HERC3: variants seen among roughly 807,000 people sequenced by gnomAD.
HERC3 encodes the protein probable E3 ubiquitin-protein ligase HERC3.
HERC3 carries 58 observed loss-of-function variants against 129.9 expected under a neutral mutation model. The observed-to-expected ratio is 0.45, with a 90% CI of 0.36 to 0.56. HERC3 has a LOEUF of 0.56. Among genes scored for constraint, HERC3 ranks in the 20% least tolerant of loss-of-function variants. The pLI is 0.00. For missense variants in HERC3, 835 were observed against 1,244.2 expected, an observed-to-expected ratio of 0.67 and a Z score of 4.95; for synonymous variants, 430 against 451.0, an observed-to-expected ratio of 0.95 and a Z score of 0.59.
intron 16 of HERC3, among the ~76,000 whole-genome samples, chr4:88,673,091 C>T (rs953566213): frequency 6.6e-6 from 1 of 152,186 alleles, no homozygotes; most frequent in East Asian, 1.9e-4. Context: ...AACCAAATAG[C>T]ACAGAGTGAA....
At chr4:88,656,126 T>C in intron 9 of HERC3, 91 bp downstream of exon 9, 1 of 1,241,252 alleles carries the variant, frequency 8.1e-7, no homozygotes, top group South Asian at 1.4e-5. Context: ...CTTTGAGGTC[T>C]TTTGGAGGGA....
intron 9 of HERC3, among the ~76,000 whole-genome samples, chr4:88,657,734 T>C (rs1166357682): frequency 1.3e-5 from 2 of 152,086 alleles, no homozygotes; most frequent in Non-Finnish European, 2.9e-5. Context: ...AGTATTGTGG[T>C]TAGAGGAAGT....
the HERC3 span, among the ~76,000 whole-genome samples, chr4:88,579,238 T>A: frequency 2.0e-5 from 3 of 146,950 alleles, no homozygotes; most frequent in South Asian, 2.1e-4. Context: ...AAAAAATATA[T>A]ATATATATAT....
chr4:88,678,793 G>A (rs960729255), intron 19 of HERC3, among the ~76,000 whole-genome samples: 1 of 152,140 alleles, frequency 6.6e-6, no homozygotes, highest in Non-Finnish European at 1.5e-5. Flanking sequence ...GGCATGAAAT[G>A]AACTGATCAT....
At chr4:88,576,893 A>G in the HERC3 span, among the ~76,000 whole-genome samples, 1 of 152,082 alleles carries the variant, frequency 6.6e-6, no homozygotes, top group Non-Finnish European at 1.5e-5. Flanking sequence ...AAAATTTTGT[A>G]CTTCCTCAGT....
the HERC3 span, among the ~76,000 whole-genome samples, chr4:88,531,288 C>A: frequency 9.9e-5 from 15 of 152,088 alleles, no homozygotes; most frequent in African/African-American, 2.2e-4. Context: ...TGTCCTCCCC[C>A]CTCAGCCTCC....
the HERC3 span, among the ~76,000 whole-genome samples, chr4:88,565,499 T>C: frequency 6.6e-6 from 1 of 152,190 alleles, no homozygotes; most frequent in Non-Finnish European, 1.5e-5. Context: ...ATTTTGTCTT[T>C]TTATAGTTTT....
intron 23 of HERC3, chr4:88,697,516 C>T: frequency 6.2e-7 from 1 of 1,614,102 alleles, no homozygotes; most frequent in Non-Finnish European, 8.5e-7. Context: ...GGCCAGGACT[C>T]GGCATTTCAC....
Position 88,606,024 on chromosome 4 carries a change from C to T in HERC3, c.201C>T (p.Gly67=). ...TCGLNTKGQL[G]HEREGNKPEQ... is the part of the protein sequence containing the mutation. ...GTTTGAACACCAAGGGGCAACTGGG[C>T]CATGAGAGGGAAGGAAACAAGCCAG... Residue 67 remains glycine (G), a synonymous_variant, in exon 3 of 26, where the codon GGC becomes GGT. Transcript: ENST00000402738. The T allele has an allele frequency of 6.2e-7, 1 of 1,613,538 alleles. No homozygotes were observed. Among genetic ancestry groups the T allele is most frequent in the Non-Finnish European group, 8.5e-7 (1 of 1,179,672 alleles).
In HERC3 at chr4:88,704,264, T is replaced by C; in HGVS notation, c.2824T>C (p.Trp942Arg). 1 of 1,614,056 alleles carries C rather than the reference T, an allele frequency of 6.2e-7. No homozygotes were observed. The highest frequency in any genetic ancestry group is 2.2e-5 in the East Asian group (1 of 44,854). The change falls in exon 24 of 26, where the codon TGG (tryptophan) becomes CGG (arginine). Residue 942 changes from tryptophan (W) to arginine (R), a missense_variant. Coordinates refer to ENST00000402738, the MANE Select transcript of HERC3 (RefSeq NM_014606.3). ...AMMVGNSNYN[W>R]EELEETAIYK... ...GATGGTGGGGAACAGCAACTACAAC[T>C]GGGAAGAACTGGAAGAGGTAAGCAC...
chr4:88,664,129 C>T (rs1326338989), intron 11 of HERC3, 24 bp from the exon 12 acceptor site: 10 of 1,597,848 alleles, frequency 6.3e-6, no homozygotes, highest in Middle Eastern at 1.7e-4. Context: ...AAAGGCTTCC[C>T]CCTCCCTTCT....
chr4:88,551,727 A>G, the HERC3 span, among the ~76,000 whole-genome samples: 12 of 152,166 alleles, frequency 7.9e-5, no homozygotes, highest in Non-Finnish European at 8.8e-5. Context: ...TCAGTGTGGC[A>G]ATTCCTCAGG....
At position 88,660,661 on chromosome 4, in the gene HERC3, C is replaced by T. The variant is rs142724093; in HGVS notation, c.1147-1770C>T. ...AAACCATAGCATCTCCTTTTCCTGTCGTTTTGTTCCCTGGATAGAATTGAA... is the reference window on the plus strand; with the variant it reads ...AAACCATAGCATCTCCTTTTCCTGTTGTTTTGTTCCCTGGATAGAATTGAA... On this transcript the variant is annotated intron_variant, in intron 10 of 25. Transcript: ENST00000402738. 9.5e-3 allele frequency among the ~76,000 whole-genome samples: 1,442 copies of T among 152,130 alleles called. 21 individuals carry two copies. The highest frequency in any genetic ancestry group is 0.032 in the African/African-American group (1,344 of 41,500).
At chr4:88,579,540 T>C in the HERC3 span, among the ~76,000 whole-genome samples, 1 of 152,120 alleles carries the variant, frequency 6.6e-6, no homozygotes, top group Non-Finnish European at 1.5e-5. Flanking sequence ...GTTATTGGTA[T>C]GTAGAATGGA....
Position 88,676,259 on chromosome 4 carries a change from A to T in HERC3, c.1935+18A>T. The T allele has an allele frequency of 6.4e-7, 1 of 1,571,504 alleles. No individual in the cohort carries two copies. ...TAATACAGGTAAATGATCCTTTTTA[A>T]ATTTGCTTTTATATTTTTCCAGCTA... On this transcript the variant is annotated intron_variant, in intron 17 of 25. Coordinates refer to ENST00000402738, the MANE Select transcript of HERC3 (RefSeq NM_014606.3).
chr4:88,620,225 G>A (rs1725364483), intron 3 of HERC3, among the ~76,000 whole-genome samples: 1 of 152,172 alleles, frequency 6.6e-6, no homozygotes, highest in African/African-American at 2.4e-5. Flanking sequence ...GTTTTAAGTA[G>A]CATCTTTATA....
intron 20 of HERC3, 113 bp from the exon 21 acceptor site, chr4:88,681,046 T>C: frequency 6.8e-7 from 1 of 1,461,888 alleles, no homozygotes; most frequent in African/African-American, 1.4e-5. Context: ...TAACTAAATA[T>C]TAATGAGACC....
chr4:88,663,783 G>A (rs1377490397), intron 11 of HERC3, among the ~76,000 whole-genome samples: 1 of 152,226 alleles, frequency 6.6e-6, no homozygotes, highest in Non-Finnish European at 1.5e-5. Context: ...TAATTTCTGT[G>A]TTCGGGAAGT....
intron 23 of HERC3, among the ~76,000 whole-genome samples, chr4:88,690,905 C>T (rs1734008678): frequency 6.6e-6 from 1 of 152,112 alleles, no homozygotes; most frequent in African/African-American, 2.4e-5. Context: ...TAAAATATAA[C>T]ACAGTTTGTT....
Sources: allele counts gnomAD v4.1 joint callset (sites outside exome capture counted in the v4.1 genomes callset), GRCh38; gene constraint gnomAD v4.1.1; transcripts MANE v1.5; gene names NCBI Gene and HGNC (gene_info 2026-07-23, HGNC 2026-07-21).